Variants in SPATC1 observed in about 807,000 individuals in gnomAD.
SPATC1 encodes spermatogenesis and centriole associated 1.
A neutral mutation model predicts 36.5 loss-of-function variants in SPATC1; 35 were observed. That is an observed-to-expected ratio of 0.96 (90% confidence interval 0.73 to 1.27). The LOEUF is 1.27. Ranked by LOEUF, SPATC1 falls within the 50% of genes most tolerant of loss-of-function variation. The pLI is 0.00. For missense variants in SPATC1, 779 were observed against 796.0 expected, an observed-to-expected ratio of 0.98 and a Z score of 0.26; for synonymous variants, 361 against 353.6, an observed-to-expected ratio of 1.02 and a Z score of -0.24.
At chr8:144,023,586 C>A (rs1192486914) in intron 1 of SPATC1, among the ~76,000 whole-genome samples, 1 of 127,346 alleles carries the variant, frequency 7.9e-6, no homozygotes, top group Non-Finnish European at 1.7e-5. Context: ...CTTTCCTATT[C>A]CCTCAGGACA....
intron 4 of SPATC1, among the ~76,000 whole-genome samples, chr8:144,044,487 T>C (rs1201977363): frequency 1.3e-5 from 2 of 150,620 alleles, no homozygotes; most frequent in African/African-American, 2.4e-5. Context: ...TTTTTGCATT[T>C]TTAGTAAAGA....
Position 144,040,254 on chromosome 8 carries a change from C to A in SPATC1, c.557C>A (p.Pro186His), listed in dbSNP as rs1390373947. 4.3e-6 allele frequency: 7 copies of A among 1,612,962 alleles called. No individual in the cohort carries two copies. The highest frequency in any genetic ancestry group is 5.9e-6 in the Non-Finnish European group (7 of 1,179,896). ...AMSQSSPLIAPVMGTVAVSLS... is the reference protein window; with the variant it reads ...AMSQSSPLIAHVMGTVAVSLS... ...TCCCAGAGCAGCCCCCTGATAGCCC[C>A]TGTGATGGGCACGGTGGCTGTCTCT... Residue 186 changes from proline (P) to histidine (H), a missense_variant, in exon 2 of 5, where the codon CCT (proline) becomes CAT (histidine). Pro to His is a moderately conservative substitution (Grantham distance 77). Transcript: ENST00000377470.
In SPATC1 at chr8:144,040,237, C is replaced by T; in HGVS notation, c.540C>T (p.Ser180=). Residue 180 remains serine, a synonymous_variant, in exon 2 of 5, where the codon AGC becomes AGT. Coordinates refer to ENST00000377470, the MANE Select transcript of SPATC1 (RefSeq NM_198572.3). ...LVAGPVAMSQ[S]SPLIAPVMGT... is the part of the protein sequence containing the mutation. Reference sequence around the variant, plus strand: ...CAGGCCCTGTGGCCATGTCCCAGAGCAGCCCCCTGATAGCCCCTGTGATGG... The same window carrying T: ...CAGGCCCTGTGGCCATGTCCCAGAGTAGCCCCCTGATAGCCCCTGTGATGG... 6.2e-7 allele frequency: 1 copy of T among 1,612,952 alleles called. No individual in the cohort carries two copies. Among genetic ancestry groups the T allele is most frequent in the South Asian group, 1.1e-5 (1 of 91,042 alleles).
Position 144,041,381 on chromosome 8 carries a change from C to A in SPATC1, c.1446+10C>A. 1 of 1,605,576 alleles carries A rather than the reference C, an allele frequency of 6.2e-7. No homozygotes were observed. Among genetic ancestry groups the A allele is most frequent in the East Asian group, 2.2e-5 (1 of 44,868 alleles). On this transcript the variant is annotated intron_variant, in intron 4 of 4. Transcript: ENST00000377470. ...AGAGAAGATCATCCAGGTGTGCGGC[C>A]AGGGGTCCTGCAGGGACAGGGGGCA...
At chr8:144,015,447 GAA>G (rs2133096168) in intron 1 of SPATC1, among the ~76,000 whole-genome samples, 1 of 150,288 alleles carries the variant, frequency 6.7e-6, no homozygotes, top group East Asian at 1.9e-4. Context: ...AAAAAAGAAA[GAA>G]AGAAAATGTG....
intron 4 of SPATC1, among the ~76,000 whole-genome samples, chr8:144,043,154 G>A (rs1249872985): frequency 6.6e-6 from 1 of 151,678 alleles, no homozygotes; most frequent in African/African-American, 2.4e-5. Flanking sequence ...CACCACACCC[G>A]GCTAATTTTT....
At chr8:144,036,477 C>T (rs1834900478) in intron 1 of SPATC1, among the ~76,000 whole-genome samples, 1 of 152,150 alleles carries the variant, frequency 6.6e-6, no homozygotes, top group South Asian at 2.1e-4. Flanking sequence ...GTGCACACCA[C>T]CATACCCGGC....
chr8:144,023,374 C>G (rs1359480930), intron 1 of SPATC1, among the ~76,000 whole-genome samples: 4 of 3,552 alleles, frequency 1.1e-3, no homozygotes, highest in South Asian at 0.013. Context: ...AGAACCCTTT[C>G]CCTAAGGACC....
intron 1 of SPATC1, among the ~76,000 whole-genome samples, chr8:144,019,689 T>G (rs887025707): frequency 1.8e-3 from 278 of 152,154 alleles, no homozygotes; most frequent in African/African-American, 6.4e-3. Context: ...GAAAACTGGC[T>G]CCTGCCCCCA....
intron 1 of SPATC1, among the ~76,000 whole-genome samples, chr8:144,025,207 C>G (rs1252953255): frequency 1.3e-5 from 2 of 152,230 alleles, no homozygotes; most frequent in Non-Finnish European, 2.9e-5. Context: ...TTAGCACCCT[C>G]TCCCTTCAGG....
At chr8:144,035,816 G>C (rs1834887259) in intron 1 of SPATC1, among the ~76,000 whole-genome samples, 2 of 152,232 alleles carry the variant, frequency 1.3e-5, no homozygotes, top group Admixed American at 6.5e-5. Context: ...GCTGTGCGGG[G>C]ACAGTGGCCC....
chr8:144,040,223 G>A lies in SPATC1; in HGVS notation c.526G>A (p.Ala176Thr). Residue 176 changes from alanine to threonine, a missense_variant, in exon 2 of 5, where the codon GCC (alanine) becomes ACC (threonine). Transcript: ENST00000377470. ...TPSSLVAGPV[A>T]MSQSSPLIAP... The stretch of plus-strand genomic sequence containing the variant: ...CAGCAGCCTCGTGGCAGGCCCTGTG[G>A]CCATGTCCCAGAGCAGCCCCCTGAT... The A allele has an allele frequency of 6.2e-7, 1 of 1,612,768 alleles. No homozygotes were observed. The highest frequency in any genetic ancestry group is 8.5e-7 in the Non-Finnish European group (1 of 1,179,866).
intron 1 of SPATC1, among the ~76,000 whole-genome samples, chr8:144,031,738 T>TTC (rs1239588318): frequency 2.7e-5 from 4 of 150,216 alleles, no homozygotes; most frequent in African/African-American, 9.8e-5. Flanking sequence ...TTTTTTTTTT[T>TTC]CTGAAGACAG....
intron 1 of SPATC1, among the ~76,000 whole-genome samples, chr8:144,021,086 A>T (rs1190104598): frequency 8.1e-3 from 2 of 248 alleles, no homozygotes; most frequent in Admixed American, 0.042. Context: ...TGATGCCCCC[A>T]GGACCCCATC....
At chr8:144,031,723 C>CTT (rs1240016643) in intron 1 of SPATC1, among the ~76,000 whole-genome samples, 3,588 of 128,990 alleles carry the variant, frequency 0.028, 222 homozygotes, top group African/African-American at 0.099. Context: ...TTCTTTCTTT[C>CTT]TTTTTTTTTT....
rs1019362526 is a variant in SPATC1 at position 144,029,889 on chromosome 8, G to A, written c.212-10020G>A. Among the ~76,000 whole-genome samples, 11 of 152,282 alleles carry A rather than the reference G, an allele frequency of 7.2e-5. No individual in the cohort carries two copies. In the South Asian group the frequency reaches 1.7e-3, roughly 23 times the overall value. On this transcript the variant is annotated intron_variant, in intron 1 of 4. Coordinates refer to ENST00000377470, the MANE Select transcript of SPATC1 (RefSeq NM_198572.3). ...CTTCTGTCCGGTTCTATCCACTACC[G>A]AAAGTGGGGTCTCCAACTATTATTG...
intron 4 of SPATC1, among the ~76,000 whole-genome samples, chr8:144,043,986 C>T (rs371578782): frequency 1.3e-5 from 2 of 152,174 alleles, no homozygotes; most frequent in Non-Finnish European, 2.9e-5. Context: ...TCCTGCTGCT[C>T]ACTTCTCTCA....
In SPATC1 at chr8:144,016,061, T is replaced by A; in HGVS notation, c.211+3335T>A. 1.6e-5 allele frequency among the ~76,000 whole-genome samples: 2 copies of A among 126,044 alleles called. No individual in the cohort carries two copies. 82.7% of individuals were successfully genotyped at this position (126,044 alleles called of 152,430 possible). On this transcript the variant is annotated intron_variant, in intron 1 of 4. Transcript: ENST00000377470. This position sits in a 1 kb window ranked among gnomAD's most constrained non-coding sequence, Gnocchi z 4.5. ...TGGGCTGGAGACTTTTGAGACTCTG[T>A]CTCAAAAAAAAAAAAAAGAAAAAAG... is the stretch of plus-strand genomic sequence containing the variant.
chr8:144,017,299 C>T (rs1466886194), intron 1 of SPATC1, among the ~76,000 whole-genome samples: 2 of 152,160 alleles, frequency 1.3e-5, no homozygotes, highest in African/African-American at 4.8e-5. Context: ...TTGTGACTGG[C>T]CTCCTTTATA....
Sources: gnomAD v4.1 joint callset for allele counts (sites outside exome capture counted in the v4.1 genomes callset) on GRCh38, gnomAD v4.1.1 for gene constraint, Gnocchi (gnomAD v3.1) non-coding constraint, MANE v1.5 for transcripts, NCBI Gene and HGNC (gene_info 2026-07-23, HGNC 2026-07-21) for gene names.